The following DNAH7 variants were observed in gnomAD, a reference collection of about 807,000 sequenced individuals.
DNAH7 encodes the protein dynein axonemal heavy chain 7, also known as axonemal beta dynein heavy chain 7.
A neutral mutation model predicts 444.6 loss-of-function variants in DNAH7; 397 were observed. The observed-to-expected ratio is 0.89, with a 90% CI of 0.82 to 0.97. The LOEUF is 0.97. DNAH7 is among the 50% of genes least tolerant of loss of function. The pLI is 0.00. For missense variants in DNAH7, 4,902 were observed against 4,800.8 expected (o/e 1.02, Z -0.62); for synonymous variants, 1,636 against 1,624.4 (o/e 1.01, Z -0.17).
At chr2:195,870,962 A>G (rs1700649316) in intron 40 of DNAH7, among the ~76,000 whole-genome samples, 1 of 152,024 alleles carries the variant, frequency 6.6e-6, no homozygotes, top group African/African-American at 2.4e-5. Flanking sequence ...CTCTCAGTAC[A>G]TTTCTATTAC....
intron 24 of DNAH7, among the ~76,000 whole-genome samples, chr2:195,919,827 A>T (rs1220272344): frequency 6.6e-6 from 1 of 152,154 alleles, no homozygotes; most frequent in Non-Finnish European, 1.5e-5. Flanking sequence ...GGACTAGGGG[A>T]GGCTGAGTGA....
intron 19 of DNAH7, among the ~76,000 whole-genome samples, chr2:195,938,834 T>C (rs1689231347): frequency 6.6e-6 from 1 of 152,134 alleles, no homozygotes; most frequent in African/African-American, 2.4e-5. Flanking sequence ...TATCTTTGTA[T>C]ATGGATTTAA....
chr2:195,881,121 A>T (rs1033190711), intron 36 of DNAH7, among the ~76,000 whole-genome samples: 2 of 152,174 alleles, frequency 1.3e-5, no homozygotes, highest in African/African-American at 4.8e-5. Context: ...ATGTCATTCC[A>T]ATCTTTTATG....
chr2:195,941,768 TA>T (rs899192328), intron 19 of DNAH7, among the ~76,000 whole-genome samples: 106 of 152,236 alleles, frequency 7.0e-4, no homozygotes, highest in African/African-American at 2.3e-3. Context: ...GAGTAGAACT[TA>T]AAACCTCTTA....
At position 195,777,910 on chromosome 2, in the gene DNAH7, G is replaced by A. The variant is rs780677789; in HGVS notation, c.10954C>T (p.Arg3652Trp). Residue 3652 changes from arginine to tryptophan, a missense_variant, in exon 59 of 65, where the codon CGG becomes TGG. Physicochemically the swap from Arg to Trp is moderately radical, Grantham distance 101. Transcript: ENST00000312428. ...YGGRVTDDWD[R>W]RTLRSILNKF... ...TTTAGAATGCTGCGCAGCGTGCGCC[G>A]GTCCCAGTCATCGGTCACTCTGCCT... The A allele has an allele frequency of 6.2e-6, 10 of 1,613,996 alleles. No homozygotes were observed. The highest frequency in any genetic ancestry group is 6.8e-6 in the Non-Finnish European group (8 of 1,180,008).
At chr2:196,049,808 C>T (rs1050114591) in intron 3 of DNAH7, among the ~76,000 whole-genome samples, 3 of 152,026 alleles carry the variant, frequency 2.0e-5, no homozygotes, top group South Asian at 2.1e-4. Context: ...CATAGATATT[C>T]GATAAGAAAA....
intron 20 of DNAH7, among the ~76,000 whole-genome samples, chr2:195,935,892 G>A (rs763902262): frequency 3.9e-5 from 6 of 152,106 alleles, no homozygotes; most frequent in South Asian, 2.1e-4. Context: ...CCCTTTTACC[G>A]GGGAATTGCA....
At chr2:195,786,315 G>C (rs1695619629) in intron 58 of DNAH7, among the ~76,000 whole-genome samples, 1 of 152,160 alleles carries the variant, frequency 6.6e-6, no homozygotes, top group Non-Finnish European at 1.5e-5. Flanking sequence ...TCAAAACTTA[G>C]AGGATTAACT....
At chr2:195,956,976 A>G (rs1690709750) in intron 19 of DNAH7, among the ~76,000 whole-genome samples, 1 of 152,194 alleles carries the variant, frequency 6.6e-6, no homozygotes, top group Non-Finnish European at 1.5e-5. Context: ...TACCTCGTAC[A>G]GTGTCTTCCC....
At chr2:196,047,030 C>A (rs1230153142) in intron 5 of DNAH7, among the ~76,000 whole-genome samples, 1 of 151,958 alleles carries the variant, frequency 6.6e-6, no homozygotes, top group African/African-American at 2.4e-5. Context: ...AAAAGTCACC[C>A]CCATCACCTG....
chr2:195,740,744 TATA>T lies in DNAH7; in HGVS notation c.11868+19_11868+21del. The T allele has an allele frequency of 8.3e-7, 1 of 1,207,708 alleles. No individual in the cohort carries two copies. The allele number at this position is 1,207,708 out of a possible 1,614,324, so 74.8% of individuals were successfully genotyped here. ...TATGTATAAAATAATTCCACATGTATATATAATTAGAATTTACTAACCACAGGC... is the reference window on the plus strand; with the variant it reads ...TATGTATAAAATAATTCCACATGTATTAATTAGAATTTACTAACCACAGGC... On this transcript the variant is annotated intron_variant, in intron 64 of 64. Coordinates refer to ENST00000312428, the MANE Select transcript of DNAH7 (RefSeq NM_018897.3).
rs757269635 is a variant in DNAH7 at position 196,024,410 on chromosome 2, G to A, written c.743+19C>T. 13 of 1,528,570 alleles carry A rather than the reference G, an allele frequency of 8.5e-6. No individual in the cohort carries two copies. The South Asian group carries it at 1.4e-4, about 17-fold the overall frequency. 94.7% of individuals were successfully genotyped at this position (1,528,570 alleles called of 1,614,324 possible). On this transcript the variant is annotated intron_variant, in intron 8 of 64. Transcript: ENST00000312428. ...AATGGTCACATAATCAACATTCTTA[G>A]AGAAATCTGATCACTTACTCAGCAC...
chr2:195,861,591 A>G (rs890416710), intron 42 of DNAH7, 126 bp downstream of exon 42: 18 of 717,004 alleles, frequency 2.5e-5, no homozygotes, highest in Admixed American at 5.9e-5. Flanking sequence ...AAATAATTTA[A>G]AGATGTAACA....
At chr2:195,993,469 T>C (rs1295781853) in intron 12 of DNAH7, among the ~76,000 whole-genome samples, 2 of 152,096 alleles carry the variant, frequency 1.3e-5, no homozygotes, top group Non-Finnish European at 2.9e-5. Context: ...TAAGTAGGCA[T>C]TTACTACAAA....
chr2:195,840,608 T>C (rs562189328), intron 47 of DNAH7, among the ~76,000 whole-genome samples: 3 of 151,950 alleles, frequency 2.0e-5, no homozygotes, highest in Non-Finnish European at 4.4e-5. Context: ...AATATTCCAA[T>C]ATATCTACAT....
intron 54 of DNAH7, among the ~76,000 whole-genome samples, chr2:195,803,383 CAA>C (rs1696566255): frequency 6.6e-6 from 1 of 152,214 alleles, no homozygotes; most frequent in Non-Finnish European, 1.5e-5. Flanking sequence ...ACTGGAGGAT[CAA>C]GTTAGGGGTG....
intron 64 of DNAH7, 50 bp downstream of exon 64, chr2:195,740,716 A>T: frequency 1.3e-6 from 1 of 778,708 alleles, no homozygotes; most frequent in Non-Finnish European, 1.8e-6. Flanking sequence ...ATAATATATA[A>T]AATATGTATA....
rs1688922862 is a variant in DNAH7 at position 195,934,590 on chromosome 2, C to A, written c.3471+1G>T. Reference sequence around the variant, plus strand: ...TAAAAATCATCAGTATAATCAGCTACCTTGTGGATGGAGTTAATCATAACT... The same window carrying A: ...TAAAAATCATCAGTATAATCAGCTAACTTGTGGATGGAGTTAATCATAACT... On this transcript the variant is annotated splice_donor_variant, in intron 21 of 64. Coordinates refer to ENST00000312428, the MANE Select transcript of DNAH7 (RefSeq NM_018897.3). LOFTEE classifies it high-confidence loss of function. The A allele has an allele frequency of 6.2e-7, 1 of 1,613,768 alleles. No individual in the cohort carries two copies. Among genetic ancestry groups the A allele is most frequent in the Non-Finnish European group, 8.5e-7 (1 of 1,179,772 alleles).
At chr2:195,843,863 G>A (rs1197781189) in intron 47 of DNAH7, among the ~76,000 whole-genome samples, 1 of 152,184 alleles carries the variant, frequency 6.6e-6, no homozygotes, top group Non-Finnish European at 1.5e-5. Context: ...TTGGGAGGCT[G>A]AGGCGGGCAC....
Sources: allele counts gnomAD v4.1 joint callset (sites outside exome capture counted in the v4.1 genomes callset), GRCh38; gene constraint gnomAD v4.1.1; transcripts MANE v1.5; gene names NCBI Gene and HGNC (gene_info 2026-07-23, HGNC 2026-07-21).